The following CNTNAP2 variants were observed in gnomAD, a reference collection of about 807,000 sequenced individuals.
The protein encoded by CNTNAP2 is contactin-associated protein-like 2.
CNTNAP2 carries 98 observed loss-of-function variants against 155.2 expected under a neutral mutation model. The observed-to-expected ratio is 0.63, with a 90% CI of 0.54 to 0.75. The LOEUF is 0.75. CNTNAP2 is among the 30% of genes least tolerant of loss of function. The pLI, the probability that CNTNAP2 is intolerant of heterozygous loss-of-function variation, is 0.00. For synonymous variants in CNTNAP2, 651 were observed against 631.2 expected, an observed-to-expected ratio of 1.03 and a Z score of -0.47; for missense variants, 1,727 against 1,688.1, an observed-to-expected ratio of 1.02 and a Z score of -0.40.
intron 12 of CNTNAP2, among the ~76,000 whole-genome samples, chr7:147,600,866 T>A (rs74373751): frequency 6.6e-6 from 1 of 152,298 alleles, no homozygotes; most frequent in Admixed American, 6.5e-5. Context: ...TCATTTCCTA[T>A]TTTCTAAAAA....
intron 14 of CNTNAP2, among the ~76,000 whole-genome samples, chr7:147,925,016 G>A (rs917376828): frequency 6.6e-6 from 1 of 152,082 alleles, no homozygotes; most frequent in East Asian, 1.9e-4. Context: ...CTACTCAGGA[G>A]GCTGAGGCAG....
intron 8 of CNTNAP2, among the ~76,000 whole-genome samples, chr7:147,178,412 A>G (rs540896854): frequency 6.6e-6 from 1 of 152,328 alleles, no homozygotes; most frequent in Admixed American, 6.5e-5. Flanking sequence ...TAGAGCCTCC[A>G]GAAAGGAATG....
At chr7:147,355,947 C>T (rs1796055864) in intron 9 of CNTNAP2, among the ~76,000 whole-genome samples, 1 of 152,128 alleles carries the variant, frequency 6.6e-6, no homozygotes, top group South Asian at 2.1e-4. Flanking sequence ...AGGCCAGCAT[C>T]ATCCTGATAC....
intron 1 of CNTNAP2, among the ~76,000 whole-genome samples, chr7:146,720,710 T>C (rs1585057260): frequency 6.6e-6 from 1 of 151,948 alleles, no homozygotes; most frequent in East Asian, 1.9e-4. Flanking sequence ...TATTATAGAT[T>C]GTATGTCTGT....
intron 3 of CNTNAP2, among the ~76,000 whole-genome samples, chr7:146,863,371 A>G (rs1041716636): frequency 2.6e-5 from 4 of 152,252 alleles, no homozygotes; most frequent in Middle Eastern, 3.5e-3. Flanking sequence ...ACTTTATTCA[A>G]TTGAGATGAA....
intron 21 of CNTNAP2, among the ~76,000 whole-genome samples, chr7:148,332,633 C>T (rs1203166455): frequency 6.6e-6 from 1 of 152,160 alleles, no homozygotes; most frequent in Non-Finnish European, 1.5e-5. Context: ...AACTAATTCT[C>T]CCTGCTAAGT....
intron 13 of CNTNAP2, among the ~76,000 whole-genome samples, chr7:147,670,397 C>T (rs145713191): frequency 1.3e-5 from 2 of 152,156 alleles, no homozygotes; most frequent in East Asian, 3.9e-4. Flanking sequence ...AAAACCCCAC[C>T]CTCAAGCCTG....
intron 1 of CNTNAP2, among the ~76,000 whole-genome samples, chr7:146,717,944 G>A (rs117421429): frequency 0.019 from 2,890 of 152,062 alleles, 40 homozygotes; most frequent in Middle Eastern, 0.031. Flanking sequence ...GGAATGGGAT[G>A]CCTTTATAAA....
chr7:148,124,496 A>G (rs974822238), intron 16 of CNTNAP2, among the ~76,000 whole-genome samples: 4 of 151,932 alleles, frequency 2.6e-5, no homozygotes, highest in African/African-American at 7.3e-5. Context: ...TCGGGCCACC[A>G]CCTCCTGAGC....
intron 3 of CNTNAP2, among the ~76,000 whole-genome samples, chr7:146,852,874 T>C (rs993027803): frequency 2.6e-5 from 4 of 152,196 alleles, no homozygotes; most frequent in African/African-American, 9.6e-5. Context: ...GAAGTCGTTG[T>C]TTATCTTATG....
chr7:146,117,257 C>T, intron 1 of CNTNAP2: 1 of 440,676 alleles, frequency 2.3e-6, no homozygotes, highest in Non-Finnish European at 4.2e-6. Flanking sequence ...TAGATGGCAG[C>T]TTCTTAGGAG....
At chr7:147,283,978 G>C (rs1366682770) in intron 8 of CNTNAP2, among the ~76,000 whole-genome samples, 2 of 151,390 alleles carry the variant, frequency 1.3e-5, no homozygotes, top group Admixed American at 6.6e-5. Flanking sequence ...CAAGTGACGA[G>C]TCCTACATTT....
At chr7:148,325,751 A>T (rs910280766) in intron 21 of CNTNAP2, among the ~76,000 whole-genome samples, 7 of 152,226 alleles carry the variant, frequency 4.6e-5, no homozygotes, top group Non-Finnish European at 8.8e-5. Flanking sequence ...GTGCCTTCCC[A>T]GCAGCCAGCT....
At chr7:147,074,283 TG>T (rs1472903620) in intron 4 of CNTNAP2, among the ~76,000 whole-genome samples, 6 of 152,124 alleles carry the variant, frequency 3.9e-5, no homozygotes, top group Non-Finnish European at 8.8e-5. Flanking sequence ...GCCTATGCTA[TG>T]GGTTCAGATA....
At chr7:147,057,142 A>C (rs1407539627) in intron 4 of CNTNAP2, among the ~76,000 whole-genome samples, 1 of 152,124 alleles carries the variant, frequency 6.6e-6, no homozygotes, top group African/African-American at 2.4e-5. Context: ...AATATGCTAC[A>C]AATTTATTTA....
intron 1 of CNTNAP2, among the ~76,000 whole-genome samples, chr7:146,476,755 T>G (rs1001483713): frequency 2.6e-5 from 4 of 152,118 alleles, no homozygotes; most frequent in African/African-American, 9.7e-5. Context: ...CAACAATAGT[T>G]TAAAGAAGAA....
intron 3 of CNTNAP2, among the ~76,000 whole-genome samples, chr7:146,964,499 T>C (rs1300707763): frequency 6.6e-6 from 1 of 152,202 alleles, no homozygotes; most frequent in Non-Finnish European, 1.5e-5. Flanking sequence ...CAGTGTTGGA[T>C]ATCTTCCAGC....
intron 2 of CNTNAP2, among the ~76,000 whole-genome samples, chr7:146,824,510 T>C (rs752303529): frequency 4.6e-5 from 7 of 152,192 alleles, no homozygotes; most frequent in Non-Finnish European, 8.8e-5. Flanking sequence ...ACCAACAGTG[T>C]GAAAACATTC....
intron 1 of CNTNAP2, among the ~76,000 whole-genome samples, chr7:146,320,579 A>T (rs1360557539): frequency 6.6e-6 from 1 of 152,172 alleles, no homozygotes; most frequent in Non-Finnish European, 1.5e-5. Flanking sequence ...TATGATCAGA[A>T]CTAATTTTTT....
Sources: gnomAD v4.1 joint callset for allele counts (sites outside exome capture counted in the v4.1 genomes callset) on GRCh38, gnomAD v4.1.1 for gene constraint, MANE v1.5 for transcripts, NCBI Gene and HGNC (gene_info 2026-07-23, HGNC 2026-07-21) for gene names.